The following PHC2 variants were observed in gnomAD, a reference collection of about 807,000 sequenced individuals.
The protein encoded by PHC2 is polyhomeotic-like protein 2.
A neutral mutation model predicts 87.4 loss-of-function variants in PHC2; 29 were observed. The observed-to-expected ratio is 0.33, with a 90% CI of 0.25 to 0.45. PHC2 has a LOEUF of 0.45. Ranked by LOEUF, PHC2 falls within the 20% of genes least tolerant of loss-of-function variation. PHC2 has a pLI of 1.00. For missense variants in PHC2, 857 were observed against 1,136.7 expected, an observed-to-expected ratio of 0.75 and a Z score of 3.54; for synonymous variants, 438 against 461.7, an observed-to-expected ratio of 0.95 and a Z score of 0.66.
chr1:33,343,481 A>AT (rs1261259833), intron 9 of PHC2, among the ~76,000 whole-genome samples: 1 of 151,290 alleles, frequency 6.6e-6, no homozygotes, highest in Admixed American at 6.6e-5. Flanking sequence ...AAAAAAAAAA[A>AT]AAAAAAAAAA....
intron 12 of PHC2, 133 bp from the exon 13 acceptor site, chr1:33,330,345 C>T: frequency 1.1e-6 from 1 of 896,478 alleles, no homozygotes; most frequent in East Asian, 2.5e-5. Flanking sequence ...CCATCACTAA[C>T]TACTAGCTGT....
chr1:33,429,248 A>T (rs1325556303), intron 1 of PHC2, among the ~76,000 whole-genome samples: 1 of 152,152 alleles, frequency 6.6e-6, no homozygotes, highest in Non-Finnish European at 1.5e-5. Context: ...GGCTCAGAAA[A>T]ACTGATGAGG....
chr1:33,405,459 G>A (rs1204899176), intron 1 of PHC2, among the ~76,000 whole-genome samples: 1 of 152,088 alleles, frequency 6.6e-6, no homozygotes, highest in Admixed American at 6.5e-5. Flanking sequence ...CCAAAGCGCT[G>A]GGATTACAGG....
At chr1:33,405,973 A>C (rs779979679) in intron 1 of PHC2, among the ~76,000 whole-genome samples, 1 of 152,186 alleles carries the variant, frequency 6.6e-6, no homozygotes, top group Non-Finnish European at 1.5e-5. Flanking sequence ...GCAGTTGTTA[A>C]GTACAGTGTT....
intron 1 of PHC2, among the ~76,000 whole-genome samples, chr1:33,388,606 C>T (rs1468566220): frequency 1.3e-5 from 2 of 151,992 alleles, no homozygotes; most frequent in Non-Finnish European, 1.5e-5. Context: ...GCATGAGCCA[C>T]CACACCCAGC....
At position 33,349,827 on chromosome 1, in the gene PHC2, G is replaced by A. The variant is rs1646928474; in HGVS notation, c.1558+4574C>T. On this transcript the variant is annotated intron_variant, in intron 9 of 14. Coordinates refer to ENST00000683057, the MANE Select transcript of PHC2 (RefSeq NM_001385109.1). This position sits in a 1 kb window ranked among gnomAD's most constrained non-coding sequence, Gnocchi z 4.2. Reference sequence around the variant, plus strand: ...GGGGGCGCGAGGCCGGGGCGGGAGCGCGGGCGGCGGCCGGGGTTGCGCGCG... The same window carrying A: ...GGGGGCGCGAGGCCGGGGCGGGAGCACGGGCGGCGGCCGGGGTTGCGCGCG... 1.0e-6 allele frequency: 1 copy of A among 976,310 alleles called. No individual in the cohort carries two copies. The highest frequency in any genetic ancestry group is 6.4e-5 in the Admixed American group (1 of 15,684). The allele number at this position is 976,310 out of a possible 1,614,324, so 60.5% of individuals were successfully genotyped here.
intron 1 of PHC2, among the ~76,000 whole-genome samples, chr1:33,426,250 G>A (rs1245489153): frequency 1.3e-5 from 2 of 151,908 alleles, no homozygotes; most frequent in Admixed American, 6.6e-5. Context: ...AACAGAGTAA[G>A]CAACAAAGGC....
At chr1:33,356,275 A>ATATATATATATATATG (rs1222633753) in intron 7 of PHC2, among the ~76,000 whole-genome samples, 1 of 102,794 alleles carries the variant, frequency 9.7e-6, no homozygotes, top group Non-Finnish European at 2.0e-5. Context: ...ATATATATAT[A>ATATATATATATATATG]TGTATATATA....
At chr1:33,352,851 G>A (rs1045987571) in intron 9 of PHC2, among the ~76,000 whole-genome samples, 2 of 152,190 alleles carry the variant, frequency 1.3e-5, no homozygotes, top group Non-Finnish European at 2.9e-5. Flanking sequence ...TTTCAGAGCC[G>A]CGGGACCTGG....
chr1:33,379,020 T>C (rs1234842969), intron 1 of PHC2, among the ~76,000 whole-genome samples: 2 of 152,018 alleles, frequency 1.3e-5, no homozygotes, highest in Non-Finnish European at 2.9e-5. Context: ...TTTCCTTTTG[T>C]AGCAGCTAGG....
intron 1 of PHC2, among the ~76,000 whole-genome samples, chr1:33,376,809 G>A (rs1360800192): frequency 3.9e-5 from 6 of 152,152 alleles, no homozygotes; most frequent in African/African-American, 1.4e-4. Context: ...TGCGCCTGTG[G>A]TCCCAGCTAC....
At chr1:33,351,108 G>T (rs1646963261) in intron 9 of PHC2, among the ~76,000 whole-genome samples, 1 of 152,186 alleles carries the variant, frequency 6.6e-6, no homozygotes, top group Non-Finnish European at 1.5e-5. Flanking sequence ...AAATATTTTA[G>T]ACTTTGTAGG....
chr1:33,429,395 C>T (rs1406650142), intron 1 of PHC2, among the ~76,000 whole-genome samples: 1 of 152,226 alleles, frequency 6.6e-6, no homozygotes, highest in African/African-American at 2.4e-5. Context: ...AAAGCCATTC[C>T]CTAGAGATAA....
chr1:33,404,718 G>C (rs1570509869), intron 1 of PHC2, among the ~76,000 whole-genome samples: 1 of 152,170 alleles, frequency 6.6e-6, no homozygotes, highest in East Asian at 1.9e-4. Flanking sequence ...ATCCTACTCT[G>C]ATGTGTTTTA....
intron 1 of PHC2, among the ~76,000 whole-genome samples, chr1:33,377,084 T>G (rs189147655): frequency 6.0e-4 from 92 of 152,304 alleles, no homozygotes; most frequent in African/African-American, 1.9e-3. Context: ...AAATCTCAGG[T>G]TGTGGAATCA....
intron 1 of PHC2, among the ~76,000 whole-genome samples, chr1:33,391,751 G>C (rs1649063267): frequency 6.6e-6 from 1 of 152,118 alleles, no homozygotes; most frequent in African/African-American, 2.4e-5. Context: ...TGAGGAGACA[G>C]AAGAAGGGAA....
At position 33,342,827 on chromosome 1, in the gene PHC2, G is replaced by A. The variant is rs137907474; in HGVS notation, c.1559-8535C>T. Among the ~76,000 whole-genome samples, 476 of 152,234 alleles carry A rather than the reference G, an allele frequency of 3.1e-3. 1 individual carries two copies. Among genetic ancestry groups the A allele is most frequent in the Middle Eastern group, 0.027 (8 of 292 alleles). On this transcript the variant is annotated intron_variant, in intron 9 of 14. Transcript: ENST00000683057. ...AGATAGTCTCACATCATAGTGCTCC[G>A]GCCCATGCTATGATTTCAAAACGCA... is the stretch of plus-strand genomic sequence containing the variant.
At chr1:33,375,014 T>C (rs1285307485) in intron 2 of PHC2, among the ~76,000 whole-genome samples, 1 of 152,206 alleles carries the variant, frequency 6.6e-6, no homozygotes, top group Non-Finnish European at 1.5e-5. Flanking sequence ...ATTTGGGGGT[T>C]CTCTTTGGCT....
At chr1:33,393,716 G>A (rs1004479323) in intron 1 of PHC2, among the ~76,000 whole-genome samples, 21 of 14,512 alleles carry the variant, frequency 1.4e-3, no homozygotes, top group African/African-American at 1.9e-3. Context: ...GCCAATGAAG[G>A]CAAGAATAAA....
Sources: gnomAD v4.1 joint callset for allele counts (sites outside exome capture counted in the v4.1 genomes callset) on GRCh38, gnomAD v4.1.1 for gene constraint, Gnocchi (gnomAD v3.1) non-coding constraint, MANE v1.5 for transcripts, NCBI Gene and HGNC (gene_info 2026-07-23, HGNC 2026-07-21) for gene names.